HSPB7: variants seen among roughly 807,000 people sequenced by gnomAD.
HSPB7 encodes heat shock protein beta-7.
HSPB7 carries 9 observed loss-of-function variants against 11.0 expected under a neutral mutation model. The observed-to-expected ratio is 0.82, with a 90% CI of 0.49 to 1.43. The LOEUF is 1.43. HSPB7 is among the 40% of genes most tolerant of loss of function. The pLI, the probability that HSPB7 is intolerant of heterozygous loss-of-function variation, is 0.00. For missense variants in HSPB7, 246 were observed against 243.9 expected, an observed-to-expected ratio of 1.01 and a Z score of -0.06; for synonymous variants, 102 against 101.6, an observed-to-expected ratio of 1.00 and a Z score of -0.02.
upstream of HSPB7, chr1:16,018,351 T>C: frequency 8.2e-7 from 1 of 1,216,452 alleles, no homozygotes. Flanking sequence ...TTATTGTGTG[T>C]TTTGTTTCCC....
chr1:16,018,520 C>T, upstream of HSPB7: 1 of 1,097,924 alleles, frequency 9.1e-7, no homozygotes, highest in Non-Finnish European at 1.1e-6. Flanking sequence ...TCAAGGCAGA[C>T]AACCTTCACA....
At chr1:16,016,470 G>A (rs1053808655) in intron 2 of HSPB7, among the ~76,000 whole-genome samples, 4 of 152,222 alleles carry the variant, frequency 2.6e-5, no homozygotes, top group African/African-American at 9.6e-5. Context: ...TTCGGACTCA[G>A]ACACGCTAGA....
Position 16,015,542 on chromosome 1 carries a change from G to A in HSPB7, c.*38C>T, listed in dbSNP as rs187230349. The A allele has an allele frequency of 1.7e-5, 27 of 1,600,764 alleles. No individual in the cohort carries two copies. Among genetic ancestry groups the A allele is most frequent in the East Asian group, 2.2e-5 (1 of 44,796 alleles). The stretch of plus-strand genomic sequence containing the variant: ...GGTTAGCGAGGCTTTGCTGGCAGGC[G>A]TGGGGCGGGGGGACAGGGAAAGGGA... On this transcript the variant is annotated 3_prime_UTR_variant, in exon 3 of 3. Coordinates refer to ENST00000311890, the MANE Select transcript of HSPB7 (RefSeq NM_014424.5). This position sits in a 1 kb window ranked among gnomAD's most constrained non-coding sequence, Gnocchi z 4.9.
chr1:16,015,634 A>G lies in HSPB7; in HGVS notation c.459T>C (p.Arg153=), dbSNP rs761047248. 2 of 1,613,780 alleles carry G rather than the reference A, an allele frequency of 1.2e-6. No homozygotes were observed. ...EDGSLTIRAR[R]HPHTEHVQQT... ...GCTGGACGTGTTCTGTATGCGGGTG[A>G]CGCCGTGCCCGGATAGTGAGGCTGC... Residue 153 remains arginine (R), a synonymous_variant, in exon 3 of 3, where the codon CGT becomes CGC. Transcript: ENST00000311890. This position sits in a 1 kb window ranked among gnomAD's most constrained non-coding sequence, Gnocchi z 4.9.
upstream of HSPB7, chr1:16,018,305 C>T: frequency 6.9e-6 from 9 of 1,303,398 alleles, no homozygotes; most frequent in Non-Finnish European, 9.0e-6. Flanking sequence ...CCACTCGGAC[C>T]TCGGTGCCTG....
At chr1:16,019,491 C>A, upstream of HSPB7, 1 of 1,526,386 alleles carries the variant, frequency 6.6e-7, no homozygotes, top group Non-Finnish European at 8.8e-7. Context: ...TTCTTGAAGA[C>A]GGGCAGTTTC....
At position 16,017,145 on chromosome 1, in the gene HSPB7, C is replaced by T. The variant is rs148490812; in HGVS notation, c.262G>A (p.Val88Met). The T allele has an allele frequency of 4.3e-6, 7 of 1,613,684 alleles. No individual in the cohort carries two copies. The highest frequency in any genetic ancestry group is 1.6e-4 in the Middle Eastern group (1 of 6,074). The change falls in exon 2 of 3, where the codon GTG becomes ATG. Residue 88 changes from valine to methionine, a missense_variant. Physicochemically the swap from Val to Met is conservative, Grantham distance 21 (BLOSUM62 1). Transcript: ENST00000311890. ...LGDAYEFAVD[V>M]RDFSPEDIIV... ...ATGTCTTCAGGTGAGAAGTCTCTCA[C>T]GTCCACCGCAAACTCATAGGCGTCT...
At chr1:16,019,395 G>T (rs550211097), upstream of HSPB7, 18 of 1,514,884 alleles carry the variant, frequency 1.2e-5, no homozygotes, top group African/African-American at 1.9e-4. Context: ...TGTGTGCTGT[G>T]ACTCTCTGCT....
chr1:16,016,592 A>T (rs952927552), intron 2 of HSPB7, among the ~76,000 whole-genome samples: 1 of 152,160 alleles, frequency 6.6e-6, no homozygotes, highest in Non-Finnish European at 1.5e-5. Flanking sequence ...GGGTCCCAAG[A>T]TGGGGGATGG....
At chr1:16,016,409 C>T (rs1378455980) in intron 2 of HSPB7, among the ~76,000 whole-genome samples, 1 of 152,216 alleles carries the variant, frequency 6.6e-6, no homozygotes, top group Non-Finnish European at 1.5e-5. Context: ...CGCCCCTGTT[C>T]AGGCCTGGCC....
upstream of HSPB7, chr1:16,018,487 T>C (rs1169123894): frequency 3.6e-6 from 4 of 1,116,596 alleles, no homozygotes; most frequent in East Asian, 3.6e-4. Flanking sequence ...ACCACCGCTC[T>C]GTGACGTCAG....
chr1:16,016,741 A>G (rs2021756204), intron 2 of HSPB7, among the ~76,000 whole-genome samples: 1 of 150,730 alleles, frequency 6.6e-6, no homozygotes, highest in Admixed American at 6.6e-5. Context: ...CTCTGCCATC[A>G]CCATCTCACA....
At chr1:16,019,107 T>C (rs1298664611), upstream of HSPB7, 2 of 1,523,916 alleles carry the variant, frequency 1.3e-6, no homozygotes, top group Non-Finnish European at 1.8e-6. Flanking sequence ...CCTACCCACC[T>C]GCTTGCTCAG....
Position 16,015,644 on chromosome 1 carries a change from C to T in HSPB7, c.449G>A (p.Arg150Gln), listed in dbSNP as rs561575565. ...TTCTGTATGCGGGTGACGCCGTGCC[C>T]GGATAGTGAGGCTGCCGTCCTCCCG... Reference protein sequence around the residue: ...ALREDGSLTIRARRHPHTEHV... With the variant: ...ALREDGSLTIQARRHPHTEHV... The change falls in exon 3 of 3, where the codon CGG becomes CAG. Residue 150 changes from arginine (R) to glutamine (Q), a missense_variant. Coordinates refer to ENST00000311890, the MANE Select transcript of HSPB7 (RefSeq NM_014424.5). The surrounding 1 kb of genome is among the most constrained non-coding windows in gnomAD (Gnocchi z 4.9). 22 of 1,613,966 alleles carry T rather than the reference C, an allele frequency of 1.4e-5. No homozygotes were observed. In the Admixed American group the frequency reaches 2.0e-4, roughly 15 times the overall value.
chr1:16,018,782 A>T (rs374311891), upstream of HSPB7: 21 of 1,110,386 alleles, frequency 1.9e-5, no homozygotes, highest in Admixed American at 9.3e-4. Flanking sequence ...TTTCAGTCAG[A>T]GGTAAAAGAG....
upstream of HSPB7, chr1:16,019,016 C>T: frequency 1.9e-6 from 2 of 1,053,522 alleles, no homozygotes; most frequent in Non-Finnish European, 2.7e-6. Context: ...TGTGTTGGAC[C>T]CAAAGCCCTT....
rs1253131934 is a variant in HSPB7 at position 16,014,310 on chromosome 1, C to G, written c.*1270G>C. Reference sequence around the variant, plus strand: ...CCCAGGGTTAAGGCTGATGGAAGGTCCCTATCCCAGATGGGAGATGGGGGC... The same window carrying G: ...CCCAGGGTTAAGGCTGATGGAAGGTGCCTATCCCAGATGGGAGATGGGGGC... On this transcript the variant is annotated 3_prime_UTR_variant, in exon 3 of 3. Transcript: ENST00000311890. 2.0e-5 allele frequency: 3 copies of G among 151,550 alleles called. No individual in the cohort carries two copies. The highest frequency in any genetic ancestry group is 4.4e-5 in the Non-Finnish European group (3 of 67,986). The allele number at this position is 151,550 out of a possible 1,614,324, so 9.4% of individuals were successfully genotyped here. A position where few individuals can be genotyped will look rare whatever the true frequency, so the allele number is the denominator to read the frequency against.
At position 16,015,560 on chromosome 1, in the gene HSPB7, G is replaced by C. The variant is rs750883423; in HGVS notation, c.*20C>G. The stretch of plus-strand genomic sequence containing the variant: ...GGCAGGCGTGGGGCGGGGGGACAGG[G>C]AAAGGGAAGGGAGAGGCACTCAGAT... On this transcript the variant is annotated 3_prime_UTR_variant, in exon 3 of 3. Transcript: ENST00000311890. This position sits in a 1 kb window ranked among gnomAD's most constrained non-coding sequence, Gnocchi z 4.9. 9.9e-6 allele frequency: 16 copies of C among 1,612,744 alleles called. No homozygotes were observed. The South Asian group carries it at 1.6e-4, about 17-fold the overall frequency.
upstream of HSPB7, chr1:16,019,174 C>T (rs1485743996): frequency 4.5e-6 from 7 of 1,550,580 alleles, no homozygotes; most frequent in East Asian, 1.7e-4. Flanking sequence ...GAGAGGCGGC[C>T]AGGCCCTCTG....
Sources: gnomAD v4.1 joint callset for allele counts (sites outside exome capture counted in the v4.1 genomes callset) on GRCh38, gnomAD v4.1.1 for gene constraint, Gnocchi (gnomAD v3.1) non-coding constraint, MANE v1.5 for transcripts, NCBI Gene and HGNC (gene_info 2026-07-23, HGNC 2026-07-21) for gene names.